PCDHGA7: variants seen among roughly 807,000 people sequenced by gnomAD.
The protein encoded by PCDHGA7 is protocadherin gamma-A7.
Under a neutral mutation model 58.3 loss-of-function variants are expected in PCDHGA7, and 44 were observed. The ratio of observed to expected loss-of-function variants is 0.75; its 90% CI spans 0.59 to 0.97. PCDHGA7 has a LOEUF of 0.97. Among genes scored for constraint, PCDHGA7 ranks in the 50% least tolerant of loss-of-function variants. The pLI is 0.00. For missense variants in PCDHGA7, 1,266 were observed against 1,188.7 expected (o/e 1.06, Z -0.96); for synonymous variants, 516 against 504.2 (o/e 1.02, Z -0.31).
rs566838507 is a variant in PCDHGA7, at chr5:141,415,047, G to A, written c.2424+29724G>A. 5 of 1,613,392 alleles carry A rather than the reference G, an allele frequency of 3.1e-6. No homozygotes were observed. The African/African-American group carries it at 5.3e-5, about 17-fold the overall frequency. Reference sequence around the variant, plus strand: ...GCGAGCCGGGACTCTTCGCGGTGGGGGAGCACACGGGCGAGGTGCGCACGG... The same window carrying A: ...GCGAGCCGGGACTCTTCGCGGTGGGAGAGCACACGGGCGAGGTGCGCACGG... On this transcript the variant is annotated intron_variant, in intron 1 of 3. Coordinates refer to ENST00000518325, the MANE Select transcript of PCDHGA7 (RefSeq NM_018920.4).
At chr5:141,478,452 C>T (rs763187393) in intron 1 of PCDHGA7, 1 of 1,613,598 alleles carries the variant, frequency 6.2e-7, no homozygotes, top group Admixed American at 1.7e-5. Context: ...CCTGGTGCAG[C>T]CAGTCCACTG....
chr5:141,392,706 C>T (rs2092579718), intron 1 of PCDHGA7: 1 of 1,289,828 alleles, frequency 7.8e-7, no homozygotes, highest in South Asian at 1.6e-5. Flanking sequence ...TGTTTGGAGG[C>T]ACTCCAGGTT....
chr5:141,390,999 A>C (rs982856270), intron 1 of PCDHGA7: 23 of 152,216 alleles, frequency 1.5e-4, no homozygotes, highest in African/African-American at 5.6e-4. Context: ...ATTCAAGCTC[A>C]TTCTATATCC....
intron 1 of PCDHGA7, chr5:141,492,013 T>G: frequency 1.6e-6 from 1 of 610,970 alleles, no homozygotes; most frequent in Non-Finnish European, 2.7e-6. Context: ...TCCGCGGGTG[T>G]CGGGGGTCCC....
intron 1 of PCDHGA7, among the ~76,000 whole-genome samples, chr5:141,492,862 G>A (rs2099744602): frequency 6.6e-6 from 1 of 152,198 alleles, no homozygotes. Context: ...GAGCGCCCTG[G>A]CTCTCAACCC....
At chr5:141,418,876 C>A (rs917800201) in intron 1 of PCDHGA7, 1 of 1,613,844 alleles carries the variant, frequency 6.2e-7, no homozygotes. Context: ...AAGTTGTAGA[C>A]GAAAACGACA....
intron 1 of PCDHGA7, chr5:141,404,901 G>A: frequency 6.2e-7 from 1 of 1,613,848 alleles, no homozygotes; most frequent in African/African-American, 1.3e-5. Flanking sequence ...CAGGACCATG[G>A]CCAGCCCCCT....
chr5:141,408,332 G>A, intron 1 of PCDHGA7: 1 of 1,613,912 alleles, frequency 6.2e-7, no homozygotes, highest in South Asian at 1.1e-5. Context: ...GCTGGCCAAG[G>A]GCTCGGTGGT....
chr5:141,462,268 A>C (rs982301403), intron 1 of PCDHGA7, among the ~76,000 whole-genome samples: 3 of 152,196 alleles, frequency 2.0e-5, no homozygotes, highest in African/African-American at 7.2e-5. Flanking sequence ...CCTAAAGTGT[A>C]TTGTTTAGTC....
At chr5:141,386,087 A>G (rs1331014845) in intron 1 of PCDHGA7, 2 of 152,268 alleles carry the variant, frequency 1.3e-5, no homozygotes, top group Non-Finnish European at 2.9e-5. Context: ...TGGTACAGCC[A>G]GATGAAGTGT....
intron 1 of PCDHGA7, among the ~76,000 whole-genome samples, chr5:141,469,403 C>T (rs902543178): frequency 4.6e-5 from 7 of 152,060 alleles, no homozygotes; most frequent in South Asian, 2.1e-4. Context: ...GGTGAAACCC[C>T]GTTTCTACTA....
chr5:141,424,860 A>C (rs2154550951), intron 1 of PCDHGA7, among the ~76,000 whole-genome samples: 1 of 152,340 alleles, frequency 6.6e-6, no homozygotes. Flanking sequence ...TGTCTAGGAA[A>C]GCCAAATGAG....
intron 1 of PCDHGA7, chr5:141,410,939 C>T (rs960754863): frequency 5.1e-5 from 10 of 195,446 alleles, no homozygotes; most frequent in South Asian, 1.1e-4. Flanking sequence ...CTGCAACCTC[C>T]GCCTTCTGGG....
chr5:141,503,608 A>G (rs1451651299), intron 2 of PCDHGA7, among the ~76,000 whole-genome samples: 3 of 151,994 alleles, frequency 2.0e-5, no homozygotes, highest in South Asian at 2.1e-4. Flanking sequence ...CAAAAAAAAA[A>G]AAAAAAGAAA....
At position 141,385,291 on chromosome 5, in the gene PCDHGA7, C is replaced by T. The variant is rs375490912; in HGVS notation, c.2392C>T (p.Gln798Ter). Residue 798 changes from glutamine to a stop codon, truncating the protein, a stop_gained, in exon 1 of 4, where the codon CAG (glutamine) becomes TAG (stop). Coordinates refer to ENST00000518325, the MANE Select transcript of PCDHGA7 (RefSeq NM_018920.4). LOFTEE classifies it high-confidence loss of function. ...TTCTTTGCTAACATCCGTAGATTTT[C>T]AGGAATGTAAAGAAAACCTGCCAAG... The part of the protein sequence containing the change: ...NDSLLTSVDF[Q>*]ECKENLPSIQ... 1.3e-5 allele frequency: 21 copies of T among 1,613,668 alleles called. No individual in the cohort carries two copies. In the African/African-American group the frequency reaches 2.7e-4, roughly 20 times the overall value.
At chr5:141,405,575 G>C in intron 1 of PCDHGA7, 1 of 598,040 alleles carries the variant, frequency 1.7e-6, no homozygotes. Flanking sequence ...GAGTAGAGTA[G>C]CTGGGACTAC....
intron 2 of PCDHGA7, among the ~76,000 whole-genome samples, chr5:141,497,621 C>T (rs769483223): frequency 7.3e-5 from 11 of 151,482 alleles, no homozygotes; most frequent in Non-Finnish European, 1.3e-4. Flanking sequence ...CTCACTGCAA[C>T]CTCTGCCTGC....
intron 1 of PCDHGA7, among the ~76,000 whole-genome samples, chr5:141,445,937 A>C (rs2098482193): frequency 6.6e-6 from 1 of 152,202 alleles, no homozygotes; most frequent in African/African-American, 2.4e-5. Flanking sequence ...TGAATTATTA[A>C]GCTTACTCTG....
At position 141,400,548 on chromosome 5, in the gene PCDHGA7, T is replaced by G. The variant is rs551157559; in HGVS notation, c.2424+15225T>G. On this transcript the variant is annotated intron_variant, in intron 1 of 3. Transcript: ENST00000518325. ...TGGTGAGTTTCATTTATGTCTATTC[T>G]TTTTCATTACCCACCCAATTTTCTG... is the stretch of plus-strand genomic sequence containing the variant. 3.3e-4 allele frequency: 529 copies of G among 1,613,654 alleles called. 1 individual carries two copies. In the South Asian group the frequency reaches 4.9e-3, roughly 15 times the overall value.
Sources: allele counts gnomAD v4.1 joint callset (sites outside exome capture counted in the v4.1 genomes callset), GRCh38; gene constraint gnomAD v4.1.1; transcripts MANE v1.5; gene names NCBI Gene and HGNC (gene_info 2026-07-23, HGNC 2026-07-21).